The following CSMD1 variants were observed in gnomAD, a reference collection of about 807,000 sequenced individuals.
CSMD1 encodes the protein CUB and sushi domain-containing protein 1.
A neutral mutation model predicts 417.5 loss-of-function variants in CSMD1; 213 were observed. The ratio of observed to expected loss-of-function variants is 0.51; its 90% CI spans 0.46 to 0.57. The LOEUF is 0.57. Ranked by LOEUF, CSMD1 falls within the 20% of genes least tolerant of loss-of-function variation. The pLI is 0.00. For missense variants in CSMD1, 6,923 were observed against 4,529.7 expected (o/e 1.53, Z -15.17); for synonymous variants, 2,862 against 1,736.8 (o/e 1.65, Z -16.11).
intron 3 of CSMD1, among the ~76,000 whole-genome samples, chr8:4,204,684 T>A (rs1055775395): frequency 6.6e-6 from 1 of 152,186 alleles, no homozygotes; most frequent in African/African-American, 2.4e-5. Context: ...AGACACAGTT[T>A]CACTCTGTCA....
intron 3 of CSMD1, among the ~76,000 whole-genome samples, chr8:4,276,881 T>C (rs75394670): frequency 0.022 from 3,377 of 152,262 alleles, 136 homozygotes; most frequent in African/African-American, 0.077. Flanking sequence ...TAAAAACATT[T>C]AAATACATAG....
intron 3 of CSMD1, among the ~76,000 whole-genome samples, chr8:4,232,818 A>C (rs903399270): frequency 5.9e-5 from 9 of 152,326 alleles, no homozygotes; most frequent in African/African-American, 2.2e-4. Context: ...CGAAATCTAA[A>C]AGACAAACAT....
At chr8:4,277,980 C>G (rs138198648) in intron 3 of CSMD1, among the ~76,000 whole-genome samples, 74 of 152,218 alleles carry the variant, frequency 4.9e-4, no homozygotes, top group African/African-American at 1.7e-3. Context: ...GAACTCCTAA[C>G]CTCGTGATTC....
At chr8:4,759,576 CCT>C (rs1491030741) in intron 1 of CSMD1, among the ~76,000 whole-genome samples, 2 of 143,170 alleles carry the variant, frequency 1.4e-5, no homozygotes, top group Admixed American at 6.7e-5. Context: ...GAACCATCCC[CCT>C]GTCAGGTCCC....
intron 3 of CSMD1, among the ~76,000 whole-genome samples, chr8:4,340,533 T>C (rs1160170363): frequency 6.6e-6 from 1 of 152,106 alleles, no homozygotes; most frequent in African/African-American, 2.4e-5. Flanking sequence ...ATATGTCAGA[T>C]GAATCAAAGC....
At chr8:3,255,885 T>G (rs1434111840) in intron 26 of CSMD1, among the ~76,000 whole-genome samples, 2 of 152,166 alleles carry the variant, frequency 1.3e-5, no homozygotes, top group Admixed American at 6.6e-5. Flanking sequence ...TGCACCCACT[T>G]TCCGACACTC....
intron 3 of CSMD1, among the ~76,000 whole-genome samples, chr8:4,411,052 T>C (rs144915650): frequency 2.0e-5 from 3 of 152,226 alleles, no homozygotes; most frequent in African/African-American, 7.2e-5. Flanking sequence ...CACCATGTGA[T>C]ACCACTCCAC....
intron 5 of CSMD1, among the ~76,000 whole-genome samples, chr8:3,872,833 C>G (rs1406257426): frequency 7.5e-6 from 1 of 133,878 alleles, no homozygotes; most frequent in Non-Finnish European, 1.6e-5. Flanking sequence ...TACAATAAGA[C>G]AGCTCCAAAA....
intron 1 of CSMD1, among the ~76,000 whole-genome samples, chr8:4,928,899 T>C (rs987039296): frequency 6.6e-6 from 1 of 151,898 alleles, no homozygotes; most frequent in Non-Finnish European, 1.5e-5. Context: ...TGAAACCCCA[T>C]CTCAACTAAA....
In CSMD1 at chr8:4,387,247, A is replaced by T. The variant is rs1288947348; in HGVS notation, c.415+32706T>A. On this transcript the variant is annotated intron_variant, in intron 3 of 69. Transcript: ENST00000635120. The stretch of plus-strand genomic sequence containing the variant: ...AATGTAAATATTTTATGCTTCAATT[A>T]TCATTTTCTTAAGCTATAGGAGCAG... 2.0e-5 allele frequency among the ~76,000 whole-genome samples: 3 copies of T among 152,200 alleles called. 1 individual carries two copies. Among genetic ancestry groups the T allele is most frequent in the African/African-American group, 7.2e-5 (3 of 41,452 alleles).
In CSMD1 at chr8:3,861,719, G is replaced by C. The variant is rs1404783168; in HGVS notation, c.819-107677C>G. On this transcript the variant is annotated intron_variant, in intron 5 of 69. Transcript: ENST00000635120. ...TTGGTTTGGTTTTTATTCGTTTTGT[G>C]TTTTGTCTGCTATAAAGATTTTACC... 2.0e-5 allele frequency among the ~76,000 whole-genome samples: 3 copies of C among 152,116 alleles called. No individual in the cohort carries two copies. The South Asian group carries it at 6.2e-4, about 32-fold the overall frequency.
chr8:4,669,784 C>G (rs1805175282), intron 1 of CSMD1, among the ~76,000 whole-genome samples: 1 of 152,024 alleles, frequency 6.6e-6, no homozygotes, highest in African/African-American at 2.4e-5. Context: ...AAATATTTTT[C>G]TAGAAGGAGA....
intron 23 of CSMD1, among the ~76,000 whole-genome samples, chr8:3,314,284 G>T (rs1221580348): frequency 9.9e-5 from 15 of 152,056 alleles, no homozygotes; most frequent in Non-Finnish European, 1.2e-4. Context: ...GTTTTTAAAG[G>T]ATATGTTTAA....
At chr8:3,437,636 T>C (rs958230444) in intron 12 of CSMD1, among the ~76,000 whole-genome samples, 6 of 152,362 alleles carry the variant, frequency 3.9e-5, no homozygotes, top group African/African-American at 1.2e-4. Flanking sequence ...TAGAAGATGG[T>C]TGTGATTATA....
chr8:4,338,488 C>A (rs539406521), intron 3 of CSMD1, among the ~76,000 whole-genome samples: 1 of 152,100 alleles, frequency 6.6e-6, no homozygotes, highest in African/African-American at 2.4e-5. Context: ...GCAAATCTAC[C>A]TCGGGATATT....
chr8:3,111,767 G>A (rs1020416714), intron 42 of CSMD1, among the ~76,000 whole-genome samples: 1 of 152,098 alleles, frequency 6.6e-6, no homozygotes, highest in African/African-American at 2.4e-5. Flanking sequence ...GGGAGGCAGA[G>A]GGTGTAGTAA....
At chr8:4,427,682 T>C (rs1037039545) in intron 2 of CSMD1, among the ~76,000 whole-genome samples, 2 of 152,190 alleles carry the variant, frequency 1.3e-5, no homozygotes, top group African/African-American at 4.8e-5. Flanking sequence ...ATAGTACCTA[T>C]TACATTTATG....
At chr8:3,362,873 G>A (rs965391753) in intron 20 of CSMD1, among the ~76,000 whole-genome samples, 10 of 152,218 alleles carry the variant, frequency 6.6e-5, no homozygotes, top group African/African-American at 2.2e-4. Context: ...ATCTCTTGCT[G>A]GGATTATTGT....
chr8:4,008,831 C>T (rs1035225676), intron 4 of CSMD1, among the ~76,000 whole-genome samples: 1 of 151,722 alleles, frequency 6.6e-6, no homozygotes, highest in Non-Finnish European at 1.5e-5. Context: ...AGGATGGTCT[C>T]GATCTCCTGA....
Sources: gnomAD v4.1 joint callset for allele counts (sites outside exome capture counted in the v4.1 genomes callset) on GRCh38, gnomAD v4.1.1 for gene constraint, MANE v1.5 for transcripts, NCBI Gene and HGNC (gene_info 2026-07-23, HGNC 2026-07-21) for gene names.